The following USH2A variants were observed in gnomAD, a reference collection of about 807,000 sequenced individuals.
USH2A encodes the protein Usher syndrome 2A (autosomal recessive, mild).
Under a neutral mutation model 538.9 loss-of-function variants are expected in USH2A, and 443 were observed. That is an observed-to-expected ratio of 0.82 (90% CI 0.76 to 0.89). The LOEUF (loss-of-function observed/expected upper bound fraction) is 0.89, where lower values mean the gene tolerates loss of function less well. Ranked by LOEUF, USH2A falls within the 40% of genes least tolerant of loss-of-function variation. The pLI, the probability that USH2A is intolerant of heterozygous loss-of-function variation, is 0.00. For synonymous variants in USH2A, 2,413 were observed against 2,273.5 expected (o/e 1.06, Z -1.75); for missense variants, 6,633 against 6,324.8 (o/e 1.05, Z -1.65).
intron 21 of USH2A, among the ~76,000 whole-genome samples, chr1:216,111,680 CA>C (rs1229810673): frequency 1.4e-5 from 2 of 148,106 alleles, no homozygotes; most frequent in Non-Finnish European, 3.0e-5. Context: ...TATGCCAATA[CA>C]ATACTCAAAA....
chr1:215,726,389 T>C (rs1020129610), intron 61 of USH2A, among the ~76,000 whole-genome samples: 1 of 152,166 alleles, frequency 6.6e-6, no homozygotes, highest in Non-Finnish European at 1.5e-5. Flanking sequence ...AAAATGAAGA[T>C]AAAACAATTA....
intron 3 of USH2A, among the ~76,000 whole-genome samples, chr1:216,402,184 A>G (rs76093327): frequency 0.034 from 5,247 of 152,262 alleles, 123 homozygotes; most frequent in Middle Eastern, 0.078. Flanking sequence ...AACAAATGTT[A>G]AAGAACTGAA....
intron 41 of USH2A, among the ~76,000 whole-genome samples, chr1:215,881,654 T>C (rs1379779445): frequency 6.6e-6 from 1 of 152,168 alleles, no homozygotes; most frequent in African/African-American, 2.4e-5. Flanking sequence ...AAAGAACATG[T>C]TATTGGCCTG....
At chr1:215,886,941 T>C (rs369642445) in intron 41 of USH2A, among the ~76,000 whole-genome samples, 143 of 152,226 alleles carry the variant, frequency 9.4e-4, no homozygotes, top group Middle Eastern at 3.4e-3. Context: ...CACTGCAAGC[T>C]CCGCCTCCCA....
chr1:215,670,439 T>A (rs1226652813), intron 64 of USH2A, among the ~76,000 whole-genome samples: 1 of 152,234 alleles, frequency 6.6e-6, no homozygotes, highest in Non-Finnish European at 1.5e-5. Flanking sequence ...TTCTGAATAT[T>A]ATTCTTAATT....
intron 49 of USH2A, among the ~76,000 whole-genome samples, chr1:215,803,534 T>C (rs1173835116): frequency 2.0e-5 from 3 of 152,156 alleles, no homozygotes; most frequent in Non-Finnish European, 4.4e-5. Flanking sequence ...CCATTCACAA[T>C]TGCTTCAAAG....
At chr1:215,660,421 T>C (rs900858325) in intron 64 of USH2A, among the ~76,000 whole-genome samples, 2 of 152,140 alleles carry the variant, frequency 1.3e-5, no homozygotes, top group African/African-American at 4.8e-5. Context: ...TGGGGCTAGA[T>C]AGCAATTGTG....
At chr1:215,807,653 C>T (rs1662540564) in intron 49 of USH2A, among the ~76,000 whole-genome samples, 1 of 152,010 alleles carries the variant, frequency 6.6e-6, no homozygotes, top group Admixed American at 6.6e-5. Context: ...TAAAAGTCAA[C>T]TTAGAGAATT....
At position 215,944,242 on chromosome 1, in the gene USH2A, C is replaced by T. The variant is rs577847277; in HGVS notation, c.7121-9447G>A. On this transcript the variant is annotated intron_variant, in intron 37 of 71. Coordinates refer to ENST00000307340, the MANE Select transcript of USH2A (RefSeq NM_206933.4). Reference sequence around the variant, plus strand: ...TCTAGGAATTTTCATGATATAACTGCAGAATTGAGTAATTATGGCAGAGAC... The same window carrying T: ...TCTAGGAATTTTCATGATATAACTGTAGAATTGAGTAATTATGGCAGAGAC... Among the ~76,000 whole-genome samples the T allele has an allele frequency of 8.5e-5, 13 of 152,208 alleles. 2 individuals are homozygous for T. The South Asian group carries it at 2.7e-3, about 32-fold the overall frequency.
chr1:215,875,869 A>C (rs1215906210), intron 43 of USH2A, among the ~76,000 whole-genome samples: 3 of 146,242 alleles, frequency 2.1e-5, no homozygotes, highest in Admixed American at 6.9e-5. Context: ...ATATATATTA[A>C]TTATATATAT....
At chr1:215,694,572 C>G (rs1286992282) in intron 61 of USH2A, among the ~76,000 whole-genome samples, 2 of 151,718 alleles carry the variant, frequency 1.3e-5, no homozygotes, top group Admixed American at 6.6e-5. Flanking sequence ...GACTCCATCT[C>G]AAAACAAACA....
intron 70 of USH2A, among the ~76,000 whole-genome samples, chr1:215,633,038 TCAGA>T (rs1369949267): frequency 5.3e-5 from 8 of 151,418 alleles, no homozygotes; most frequent in Non-Finnish European, 1.2e-4. Flanking sequence ...ATTTCAGGAG[TCAGA>T]CAAACATATC....
At chr1:215,993,385 G>T (rs1229464534) in intron 34 of USH2A, among the ~76,000 whole-genome samples, 1 of 152,098 alleles carries the variant, frequency 6.6e-6, no homozygotes, top group African/African-American at 2.4e-5. Context: ...GAATAACTGA[G>T]ATGGTATGAA....
At chr1:216,161,652 T>C (rs1050621421) in intron 21 of USH2A, among the ~76,000 whole-genome samples, 1 of 152,092 alleles carries the variant, frequency 6.6e-6, no homozygotes, top group Non-Finnish European at 1.5e-5. Flanking sequence ...CCTTTTGGGA[T>C]CTTTTCCTAT....
At chr1:215,740,057 T>G (rs1305916492) in intron 60 of USH2A, among the ~76,000 whole-genome samples, 1 of 152,228 alleles carries the variant, frequency 6.6e-6, no homozygotes, top group Non-Finnish European at 1.5e-5. Context: ...TGTCTACCAA[T>G]GATTGTATTT....
chr1:216,243,365 T>G (rs1482956402), intron 13 of USH2A, among the ~76,000 whole-genome samples: 3 of 152,206 alleles, frequency 2.0e-5, no homozygotes, highest in Non-Finnish European at 4.4e-5. Context: ...AGTTGACTAA[T>G]GTTCTGCCAG....
chr1:216,311,651 G>A (rs544898733), intron 9 of USH2A, among the ~76,000 whole-genome samples: 217 of 152,200 alleles, frequency 1.4e-3, no homozygotes, highest in Admixed American at 3.2e-3. Context: ...GTCATGGGGC[G>A]GAAGAGTTAA....
chr1:216,128,911 A>C (rs1253211850), intron 21 of USH2A, among the ~76,000 whole-genome samples: 1 of 151,568 alleles, frequency 6.6e-6, no homozygotes, highest in Non-Finnish European at 1.5e-5. Context: ...CCCCCTCCCC[A>C]TTTCCTTCCC....
intron 3 of USH2A, among the ~76,000 whole-genome samples, chr1:216,392,303 C>T (rs767677168): frequency 2.6e-5 from 4 of 151,940 alleles, no homozygotes; most frequent in Non-Finnish European, 2.9e-5. Flanking sequence ...TCCCGACCAT[C>T]CTGACTAACA....
Sources: allele counts gnomAD v4.1 joint callset (sites outside exome capture counted in the v4.1 genomes callset), GRCh38; gene constraint gnomAD v4.1.1; transcripts MANE v1.5; gene names NCBI Gene and HGNC (gene_info 2026-07-23, HGNC 2026-07-21).